Variants in RBMS3 observed in about 807,000 individuals in gnomAD.
The protein encoded by RBMS3 is RNA binding motif single stranded interacting protein 3.
A neutral mutation model predicts 66.8 loss-of-function variants in RBMS3; 27 were observed. The observed-to-expected ratio is 0.40, with a 90% CI of 0.30 to 0.56. The LOEUF is 0.56. Ranked by LOEUF, RBMS3 falls within the 20% of genes least tolerant of loss-of-function variation. The probability of loss-of-function intolerance (pLI) is 0.40; values close to 1 mark genes in which losing one functional copy is unlikely to be tolerated. For missense variants in RBMS3, 513 were observed against 549.5 expected (o/e 0.93, Z 0.66); for synonymous variants, 188 against 183.0 (o/e 1.03, Z -0.22).
intron 3 of RBMS3, among the ~76,000 whole-genome samples, chr3:29,532,498 C>G (rs1438274498): frequency 6.6e-6 from 1 of 151,694 alleles, no homozygotes; most frequent in Non-Finnish European, 1.5e-5. Context: ...GAAAAAGTTT[C>G]CAAGCTCTTA....
At chr3:29,444,788 C>CTTTTTT (rs558839351) in intron 2 of RBMS3, among the ~76,000 whole-genome samples, 669 of 50,478 alleles carry the variant, frequency 0.013, 101 homozygotes, top group Middle Eastern at 0.045. Context: ...AAATATATGC[C>CTTTTTT]TTTTTTTTTT....
chr3:29,692,781 C>A (rs1167382448), intron 4 of RBMS3, among the ~76,000 whole-genome samples: 1 of 152,118 alleles, frequency 6.6e-6, no homozygotes. Flanking sequence ...TAAGATAGGT[C>A]TTTTACAAAG....
At chr3:29,941,524 TA>T (rs2061393730) in intron 11 of RBMS3, among the ~76,000 whole-genome samples, 2 of 151,718 alleles carry the variant, frequency 1.3e-5, no homozygotes, top group Admixed American at 6.6e-5. Context: ...GGTAATAGTT[TA>T]AAAAAATTGG....
At chr3:29,379,936 A>G (rs563422504) in intron 1 of RBMS3, among the ~76,000 whole-genome samples, 1 of 152,188 alleles carries the variant, frequency 6.6e-6, no homozygotes, top group Admixed American at 6.5e-5. Flanking sequence ...TTTAGTCAGT[A>G]TAGTCAGGAA....
intron 1 of RBMS3, among the ~76,000 whole-genome samples, chr3:29,425,282 G>A (rs1009278713): frequency 6.6e-6 from 1 of 151,098 alleles, no homozygotes; most frequent in Non-Finnish European, 1.5e-5. Flanking sequence ...GCTGAGTCAG[G>A]AGAATCGCTT....
chr3:29,536,180 C>G (rs1354729064), intron 3 of RBMS3, among the ~76,000 whole-genome samples: 9 of 151,994 alleles, frequency 5.9e-5, no homozygotes, highest in Admixed American at 5.9e-4. Context: ...AAGGCAATGC[C>G]AAGAATCTCT....
chr3:29,944,456 G>A (rs997159405), intron 12 of RBMS3, among the ~76,000 whole-genome samples: 1 of 151,620 alleles, frequency 6.6e-6, no homozygotes, highest in Non-Finnish European at 1.5e-5. Context: ...AAATAAATGT[G>A]TTGCATTTTA....
intron 1 of RBMS3, among the ~76,000 whole-genome samples, chr3:29,304,395 A>T (rs2033877894): frequency 6.6e-6 from 1 of 151,988 alleles, no homozygotes; most frequent in South Asian, 2.1e-4. Flanking sequence ...GATAGATTTA[A>T]AAGCACTAGG....
At position 29,762,792 on chromosome 3, in the gene RBMS3, G is replaced by T. The variant is rs79180200; in HGVS notation, c.558-118G>T. ...GTCATCATGTTCATGAAAAAAGTTG[G>T]CAATTAGGGTACAATTCTCAAATCA... is the stretch of plus-strand genomic sequence containing the variant. On this transcript the variant is annotated intron_variant, in intron 5 of 14. Transcript: ENST00000383767. 2.8e-3 allele frequency: 1,930 copies of T among 694,746 alleles called. 46 individuals are homozygous for T. In the Admixed American group the frequency reaches 0.03, roughly 11 times the overall value. The allele number at this position is 694,746 out of a possible 1,614,324, so 43.0% of individuals were successfully genotyped here. A position where few individuals can be genotyped will look rare whatever the true frequency, so the allele number is the denominator to read the frequency against.
intron 4 of RBMS3, among the ~76,000 whole-genome samples, chr3:29,618,367 G>A (rs956933625): frequency 6.6e-6 from 1 of 152,022 alleles, no homozygotes; most frequent in Admixed American, 6.6e-5. Flanking sequence ...TTAGCCTGGT[G>A]TGGTGGTGGG....
chr3:29,619,636 C>A (rs2048799217), intron 4 of RBMS3, among the ~76,000 whole-genome samples: 1 of 152,160 alleles, frequency 6.6e-6, no homozygotes, highest in Admixed American at 6.5e-5. Context: ...ACAATGGGTA[C>A]AATGCTCTGA....
chr3:29,951,998 T>G (rs1352477896), intron 12 of RBMS3, among the ~76,000 whole-genome samples: 3 of 151,844 alleles, frequency 2.0e-5, no homozygotes, highest in Non-Finnish European at 4.4e-5. Flanking sequence ...GAAATGTTGC[T>G]TTGCTACACT....
At chr3:29,579,728 C>T (rs1478551916) in intron 3 of RBMS3, among the ~76,000 whole-genome samples, 1 of 152,150 alleles carries the variant, frequency 6.6e-6, no homozygotes, top group Admixed American at 6.5e-5. Flanking sequence ...TATTTGAACA[C>T]TGCATGTTAG....
At chr3:29,673,803 C>A (rs1039621577) in intron 4 of RBMS3, among the ~76,000 whole-genome samples, 44 of 152,150 alleles carry the variant, frequency 2.9e-4, no homozygotes, top group Non-Finnish European at 5.0e-4. Flanking sequence ...GACGGATTCA[C>A]AGCCGAATTC....
At chr3:29,709,926 G>C (rs1576585736) in intron 4 of RBMS3, among the ~76,000 whole-genome samples, 1 of 152,140 alleles carries the variant, frequency 6.6e-6, no homozygotes, top group Non-Finnish European at 1.5e-5. Context: ...AGGAAATAGA[G>C]TAGATATAGG....
At chr3:29,281,894 A>AATTTC (rs1356428260) in intron 1 of RBMS3, 138 bp downstream of exon 1, 2 of 673,806 alleles carry the variant, frequency 3.0e-6, no homozygotes, top group Admixed American at 6.4e-5. Context: ...GTGACATACC[A>AATTTC]ATGGAGTTAA....
At chr3:29,803,295 A>G (rs980793952) in intron 6 of RBMS3, among the ~76,000 whole-genome samples, 1 of 152,138 alleles carries the variant, frequency 6.6e-6, no homozygotes, top group Non-Finnish European at 1.5e-5. Context: ...GGCTATGCTT[A>G]TATTTCCTGG....
chr3:29,786,618 C>G (rs912768027), intron 6 of RBMS3, among the ~76,000 whole-genome samples: 1 of 152,124 alleles, frequency 6.6e-6, no homozygotes, highest in African/African-American at 2.4e-5. Flanking sequence ...ACAAATGGTG[C>G]TGGCATAATT....
chr3:29,479,515 G>A (rs77619490), intron 2 of RBMS3, among the ~76,000 whole-genome samples: 2,473 of 151,788 alleles, frequency 0.016, 40 homozygotes, highest in Middle Eastern at 0.038. Context: ...GGAATCAACA[G>A]ACAACATATA....
Sources: gnomAD v4.1 joint callset for allele counts (sites outside exome capture counted in the v4.1 genomes callset) on GRCh38, gnomAD v4.1.1 for gene constraint, MANE v1.5 for transcripts, NCBI Gene and HGNC (gene_info 2026-07-23, HGNC 2026-07-21) for gene names.